ACTR3C: variants seen among roughly 807,000 people sequenced by gnomAD.
The protein encoded by ACTR3C is actin related protein 3C.
Under a neutral mutation model 26.3 loss-of-function variants are expected in ACTR3C, and 18 were observed. The observed-to-expected ratio is 0.68, with a 90% confidence interval of 0.47 to 1.01. The LOEUF is 1.01. ACTR3C is among the 50% of genes least tolerant of loss of function. The pLI, the probability that ACTR3C is intolerant of heterozygous loss-of-function variation, is 0.00. For missense variants in ACTR3C, 184 were observed against 250.7 expected (o/e 0.73, Z 1.80); for synonymous variants, 55 against 94.5 (o/e 0.58, Z 2.42).
the ACTR3C span, among the ~76,000 whole-genome samples, chr7:150,149,142 A>AT: frequency 8.5e-6 from 1 of 117,012 alleles, no homozygotes; most frequent in Non-Finnish European, 1.7e-5. Flanking sequence ...GGCCATTTGG[A>AT]TTTTCTCTCT....
the ACTR3C span, among the ~76,000 whole-genome samples, chr7:150,112,813 C>G: frequency 6.6e-6 from 1 of 152,078 alleles, no homozygotes; most frequent in Non-Finnish European, 1.5e-5. Context: ...GGTCCTGGTG[C>G]CCCAATTTAG....
At chr7:150,186,313 C>T in the ACTR3C span, among the ~76,000 whole-genome samples, 3 of 152,304 alleles carry the variant, frequency 2.0e-5, no homozygotes, top group East Asian at 5.8e-4. Context: ...ACGGCAAACA[C>T]ATCCATTTTT....
chr7:149,981,407 A>G, the ACTR3C span, among the ~76,000 whole-genome samples: 1 of 151,774 alleles, frequency 6.6e-6, no homozygotes, highest in Non-Finnish European at 1.5e-5. Flanking sequence ...GAGAATGAAG[A>G]TCTGGAAACT....
At chr7:150,020,670 G>A in the ACTR3C span, among the ~76,000 whole-genome samples, 1 of 151,718 alleles carries the variant, frequency 6.6e-6, no homozygotes, top group South Asian at 2.1e-4. Context: ...TATTTCAAAT[G>A]GAGTGTGTCC....
chr7:150,113,124 A>G, the ACTR3C span, among the ~76,000 whole-genome samples: 8 of 152,000 alleles, frequency 5.3e-5, no homozygotes, highest in African/African-American at 7.3e-5. Context: ...CTCTCTGCTG[A>G]GTCCTCCGAC....
chr7:150,173,522 A>G, the ACTR3C span, among the ~76,000 whole-genome samples: 1 of 148,820 alleles, frequency 6.7e-6, no homozygotes, highest in Admixed American at 6.6e-5. Flanking sequence ...ATTTTCTTCT[A>G]GGCCTCTGGA....
At chr7:149,921,447 A>G in the ACTR3C span, among the ~76,000 whole-genome samples, 1 of 152,142 alleles carries the variant, frequency 6.6e-6, no homozygotes, top group Non-Finnish European at 1.5e-5. Flanking sequence ...TTAGTTTTCT[A>G]TTTCTTTCCT....
the ACTR3C span, among the ~76,000 whole-genome samples, chr7:150,233,788 A>G: frequency 6.6e-6 from 1 of 151,726 alleles, no homozygotes; most frequent in Non-Finnish European, 1.5e-5. Flanking sequence ...TAAATTCTCT[A>G]TCTGATAATT....
At chr7:150,261,559 G>A (rs1332981210) in intron 6 of ACTR3C, among the ~76,000 whole-genome samples, 1 of 152,358 alleles carries the variant, frequency 6.6e-6, no homozygotes, top group East Asian at 1.9e-4. Context: ...AAAATTAGCA[G>A]GGCGTGGTGG....
At chr7:149,994,431 C>T in the ACTR3C span, among the ~76,000 whole-genome samples, 1 of 152,064 alleles carries the variant, frequency 6.6e-6, no homozygotes, top group Non-Finnish European at 1.5e-5. Flanking sequence ...AACCCCATCT[C>T]TACAAAAATA....
chr7:150,250,202 CTTT>C (rs1192764981), intron 6 of ACTR3C, among the ~76,000 whole-genome samples: 4 of 125,496 alleles, frequency 3.2e-5, no homozygotes, highest in Non-Finnish European at 4.8e-5. Context: ...CAGAATCTGA[CTTT>C]TTTTTTTTTT....
At chr7:150,019,632 T>TAATAATAATAATAATAAA in the ACTR3C span, among the ~76,000 whole-genome samples, 2 of 145,804 alleles carry the variant, frequency 1.4e-5, no homozygotes, top group African/African-American at 5.0e-5. Context: ...ATAATAATAA[T>TAATAATAATAATAATAAA]AAAATCTATA....
intron 1 of ACTR3C, among the ~76,000 whole-genome samples, chr7:150,316,480 G>GTTTTTTT (rs1563212991): frequency 7.6e-6 from 1 of 131,732 alleles, no homozygotes; most frequent in Non-Finnish European, 1.6e-5. Flanking sequence ...TTAGAATCTG[G>GTTTTTTT]TTATTTTTTT....
the ACTR3C span, among the ~76,000 whole-genome samples, chr7:150,136,563 A>C: frequency 3.3e-5 from 5 of 152,086 alleles, no homozygotes; most frequent in African/African-American, 1.2e-4. Context: ...CTAGCTAATC[A>C]GGAGGCTGAG....
the ACTR3C span, among the ~76,000 whole-genome samples, chr7:150,175,321 C>A: frequency 7.0e-6 from 1 of 143,598 alleles, no homozygotes; most frequent in East Asian, 2.0e-4. Context: ...CCTCAGTCTG[C>A]CATTCAGACT....
the ACTR3C span, among the ~76,000 whole-genome samples, chr7:149,920,763 G>C: frequency 6.7e-6 from 1 of 148,496 alleles, no homozygotes; most frequent in Non-Finnish European, 1.5e-5. Flanking sequence ...ATCTTTTAGG[G>C]GTTTGTTTTG....
At chr7:149,961,170 G>C in the ACTR3C span, among the ~76,000 whole-genome samples, 1 of 151,644 alleles carries the variant, frequency 6.6e-6, no homozygotes, top group Non-Finnish European at 1.5e-5. Flanking sequence ...TAAGTGCACA[G>C]AGAGAAAGTG....
chr7:150,133,046 ACC>A, the ACTR3C span, among the ~76,000 whole-genome samples: 4 of 151,990 alleles, frequency 2.6e-5, no homozygotes, highest in African/African-American at 9.7e-5. Context: ...AACTCTAGCA[ACC>A]CTAGACATGA....
At chr7:149,995,168 A>G in the ACTR3C span, among the ~76,000 whole-genome samples, 7 of 152,302 alleles carry the variant, frequency 4.6e-5, no homozygotes, top group South Asian at 2.1e-4. Flanking sequence ...CACTCTTTAT[A>G]TAAAGCTCCA....
Sources: gnomAD v4.1 joint callset for allele counts (sites outside exome capture counted in the v4.1 genomes callset) on GRCh38, gnomAD v4.1.1 for gene constraint, MANE v1.5 for transcripts, NCBI Gene and HGNC (gene_info 2026-07-23, HGNC 2026-07-21) for gene names.